Variants in FGF14 observed in about 807,000 individuals in gnomAD.
FGF14 encodes fibroblast growth factor homologous factor 4.
FGF14 carries 5 observed loss-of-function variants against 25.5 expected under a neutral mutation model. That is an observed-to-expected ratio of 0.20 (90% CI 0.10 to 0.41). The LOEUF (loss-of-function observed/expected upper bound fraction) is 0.41. Among genes scored for constraint, FGF14 ranks in the 10% least tolerant of loss-of-function variants. FGF14 has a pLI of 1.00. For missense variants in FGF14, 222 were observed against 320.1 expected, an observed-to-expected ratio of 0.69 and a Z score of 2.34; for synonymous variants, 138 against 118.3, an observed-to-expected ratio of 1.17 and a Z score of -1.08.
At chr13:101,760,582 C>G (rs1018660005) in intron 3 of FGF14, among the ~76,000 whole-genome samples, 1 of 152,184 alleles carries the variant, frequency 6.6e-6, no homozygotes, top group African/African-American at 2.4e-5. Flanking sequence ...CTCCCCATCC[C>G]TTAAACTGCT....
chr13:102,385,106 A>G (rs923433465), intron 1 of FGF14, among the ~76,000 whole-genome samples: 1 of 152,216 alleles, frequency 6.6e-6, no homozygotes, highest in Non-Finnish European at 1.5e-5. Flanking sequence ...GACCATATGG[A>G]GACAGCAGCC....
intron 1 of FGF14, among the ~76,000 whole-genome samples, chr13:102,065,949 C>T (rs2042887112): frequency 6.6e-6 from 1 of 151,902 alleles, no homozygotes; most frequent in Admixed American, 6.6e-5. Flanking sequence ...CTAGTAAAAG[C>T]ATATTTAGAC....
At chr13:102,358,940 C>G (rs191797399) in intron 1 of FGF14, among the ~76,000 whole-genome samples, 104 of 152,196 alleles carry the variant, frequency 6.8e-4, no homozygotes, top group Admixed American at 6.7e-3. Flanking sequence ...CAGTGATAAA[C>G]TGGATAAAGA....
intron 1 of FGF14, among the ~76,000 whole-genome samples, chr13:102,224,314 A>C (rs2050741039): frequency 6.6e-6 from 1 of 152,140 alleles, no homozygotes; most frequent in Non-Finnish European, 1.5e-5. Context: ...TTTTAGTGTA[A>C]AAATTAGTAA....
intron 1 of FGF14, among the ~76,000 whole-genome samples, chr13:101,905,494 T>G (rs1012208391): frequency 6.6e-6 from 1 of 151,480 alleles, no homozygotes; most frequent in Admixed American, 6.6e-5. Context: ...TAAGTGGGAG[T>G]TGGACAATGA....
chr13:102,036,659 CAGA>C (rs972751643), intron 1 of FGF14, among the ~76,000 whole-genome samples: 2 of 151,448 alleles, frequency 1.3e-5, no homozygotes, highest in South Asian at 2.1e-4. Context: ...AAAGAGGAAA[CAGA>C]AGGAGGAGGA....
intron 3 of FGF14, among the ~76,000 whole-genome samples, chr13:101,742,029 T>C (rs371217213): frequency 6.6e-6 from 1 of 152,122 alleles, no homozygotes; most frequent in East Asian, 1.9e-4. Context: ...TCAATAAATA[T>C]GAATGTAGTT....
At chr13:102,088,618 A>G (rs2044031329) in intron 1 of FGF14, among the ~76,000 whole-genome samples, 1 of 152,178 alleles carries the variant, frequency 6.6e-6, no homozygotes, top group South Asian at 2.1e-4. Flanking sequence ...TCCATAAGGT[A>G]TTTGACATAT....
At chr13:102,077,510 T>C (rs990388174) in intron 1 of FGF14, among the ~76,000 whole-genome samples, 1 of 152,202 alleles carries the variant, frequency 6.6e-6, no homozygotes, top group African/African-American at 2.4e-5. Context: ...CAAAAGGAGA[T>C]ACACATGGCT....
intron 3 of FGF14, among the ~76,000 whole-genome samples, chr13:101,745,397 G>T (rs1030300843): frequency 6.6e-6 from 1 of 151,946 alleles, no homozygotes; most frequent in African/African-American, 2.4e-5. Context: ...GGTTCACTTT[G>T]GGTGCTGTAC....
chr13:101,913,556 G>T (rs1158133215), intron 1 of FGF14, among the ~76,000 whole-genome samples: 1 of 152,094 alleles, frequency 6.6e-6, no homozygotes, highest in Non-Finnish European at 1.5e-5. Flanking sequence ...AACACAAAAT[G>T]TGGAGCTATT....
chr13:102,281,758 T>C (rs2053845832), intron 1 of FGF14, among the ~76,000 whole-genome samples: 1 of 151,782 alleles, frequency 6.6e-6, no homozygotes, highest in South Asian at 2.1e-4. Flanking sequence ...CCAAAAACAT[T>C]TCTCCAGATT....
rs2045020628 is a variant in FGF14, at chr13:101,870,795, A to T, written c.305-1967T>A. Among the ~76,000 whole-genome samples, 3 of 152,154 alleles carry T rather than the reference A, an allele frequency of 2.0e-5. No individual in the cohort carries two copies. The South Asian group carries it at 6.2e-4, about 32-fold the overall frequency. ...ATGGTGAAACCTCGTCTCTACTAAAAATACAAAATTAGCCAGGCGTGGTGG... is the reference window on the plus strand; with the variant it reads ...ATGGTGAAACCTCGTCTCTACTAAATATACAAAATTAGCCAGGCGTGGTGG... On this transcript the variant is annotated intron_variant, in intron 2 of 4. Transcript: ENST00000376143.
intron 3 of FGF14, among the ~76,000 whole-genome samples, chr13:101,797,772 T>TGTGTGTGTGCGC (rs1555384577): frequency 1.6e-4 from 23 of 145,556 alleles, no homozygotes; most frequent in Non-Finnish European, 2.1e-4. Flanking sequence ...TGTGTGTGTG[T>TGTGTGTGTGCGC]GTGTGTGTGT....
chr13:101,771,339 C>T (rs1212177110), intron 3 of FGF14, among the ~76,000 whole-genome samples: 1 of 150,450 alleles, frequency 6.6e-6, no homozygotes, highest in Non-Finnish European at 1.5e-5. Flanking sequence ...TAACATGTTA[C>T]AAGGCTTTAA....
intron 1 of FGF14, among the ~76,000 whole-genome samples, chr13:102,007,522 A>C (rs2039868679): frequency 6.6e-6 from 1 of 152,232 alleles, no homozygotes; most frequent in African/African-American, 2.4e-5. Flanking sequence ...TGAGCAACAA[A>C]GCATGAATCA....
intron 1 of FGF14, among the ~76,000 whole-genome samples, chr13:102,246,209 A>C (rs565302962): frequency 3.6e-4 from 55 of 152,214 alleles, no homozygotes; most frequent in Non-Finnish European, 7.9e-4. Flanking sequence ...TATTCTCAAA[A>C]AATTTAAGAA....
At chr13:101,980,480 A>G (rs979468953) in intron 1 of FGF14, among the ~76,000 whole-genome samples, 9 of 152,216 alleles carry the variant, frequency 5.9e-5, no homozygotes, top group African/African-American at 1.9e-4. Flanking sequence ...TATTTAAACT[A>G]GAGCATTATA....
chr13:101,773,757 T>C, intron 3 of FGF14, among the ~76,000 whole-genome samples: 1 of 151,084 alleles, frequency 6.6e-6, no homozygotes, highest in East Asian at 1.9e-4. Flanking sequence ...CTGAAGTTAA[T>C]GGTCTGTTAA....
Sources: gnomAD v4.1 joint callset for allele counts (sites outside exome capture counted in the v4.1 genomes callset) on GRCh38, gnomAD v4.1.1 for gene constraint, MANE v1.5 for transcripts, NCBI Gene and HGNC (gene_info 2026-07-23, HGNC 2026-07-21) for gene names.